The following HMCN1 variants were observed in gnomAD, a reference collection of about 807,000 sequenced individuals.
HMCN1 encodes hemicentin-1.
Under a neutral mutation model 625.9 loss-of-function variants are expected in HMCN1, and 321 were observed. That is an observed-to-expected ratio of 0.51 (90% CI 0.47 to 0.56). The LOEUF is 0.56. HMCN1 is among the 20% of genes least tolerant of loss of function. HMCN1 has a pLI of 0.00. For synonymous variants in HMCN1, 2,425 were observed against 2,417.6 expected (o/e 1.00, Z -0.09); for missense variants, 6,588 against 6,887.3 (o/e 0.96, Z 1.54).
At chr1:185,961,971 G>A (rs1650053844) in intron 11 of HMCN1, among the ~76,000 whole-genome samples, 1 of 152,148 alleles carries the variant, frequency 6.6e-6, no homozygotes, top group South Asian at 2.1e-4. Context: ...TTATATACAA[G>A]CCACTGCAAT....
intron 1 of HMCN1, among the ~76,000 whole-genome samples, chr1:185,829,788 T>G (rs1414387291): frequency 6.6e-6 from 1 of 152,222 alleles, no homozygotes; most frequent in Non-Finnish European, 1.5e-5. Context: ...GATTGCTGGG[T>G]CAAATGGTAT....
rs1661314106 is a variant in HMCN1 at position 186,119,842 on chromosome 1, C to T, written c.12054C>T (p.Phe4018=). ...AAGCAACAGGGACACCCAGTCCTTT[C>T]ATTACTTGGCAAAAAGAAGGCATCA... ...PCEATGTPSP[F]ITWQKEGINV... The change falls in exon 79 of 107, where the codon TTC becomes TTT. Residue 4018 remains phenylalanine, a synonymous_variant. Coordinates refer to ENST00000271588, the MANE Select transcript of HMCN1 (RefSeq NM_031935.3). The T allele has an allele frequency of 6.2e-7, 1 of 1,613,996 alleles. No homozygotes were observed. Among genetic ancestry groups the T allele is most frequent in the African/African-American group, 1.3e-5 (1 of 74,920 alleles).
intron 4 of HMCN1, among the ~76,000 whole-genome samples, chr1:185,887,504 G>A (rs1053530930): frequency 6.8e-6 from 1 of 146,732 alleles, no homozygotes; most frequent in Non-Finnish European, 1.5e-5. Flanking sequence ...TCCCCTTCCT[G>A]TGTCCATGTG....
At chr1:186,025,497 T>TG (rs1655004859) in intron 36 of HMCN1, among the ~76,000 whole-genome samples, 1 of 152,188 alleles carries the variant, frequency 6.6e-6, no homozygotes, top group African/African-American at 2.4e-5. Context: ...AGCCCGTGTT[T>TG]GGAAAAACAT....
At chr1:186,082,373 G>A (rs1484252982) in intron 56 of HMCN1, among the ~76,000 whole-genome samples, 1 of 152,144 alleles carries the variant, frequency 6.6e-6, no homozygotes. Context: ...GCAATAAACT[G>A]TGATGATTCC....
At chr1:186,024,301 C>A (rs1212119771) in intron 36 of HMCN1, among the ~76,000 whole-genome samples, 2 of 152,146 alleles carry the variant, frequency 1.3e-5, no homozygotes, top group Admixed American at 6.5e-5. Flanking sequence ...TGCCTCGTTC[C>A]CCATAAGGCC....
chr1:186,132,159 C>T (rs1280072223), intron 85 of HMCN1, among the ~76,000 whole-genome samples, 169 bp from the exon 86 acceptor site: 1 of 152,058 alleles, frequency 6.6e-6, no homozygotes, highest in Non-Finnish European at 1.5e-5. Flanking sequence ...CTTCCTCCTC[C>T]TCCCTCCTTT....
chr1:186,083,533 A>G (rs1169933637), intron 57 of HMCN1, among the ~76,000 whole-genome samples: 1 of 148,338 alleles, frequency 6.7e-6, no homozygotes, highest in Admixed American at 6.8e-5. Context: ...TTGAATATCT[A>G]CTGCAAAAGA....
intron 73 of HMCN1, among the ~76,000 whole-genome samples, chr1:186,114,405 A>ACG (rs1487388553): frequency 6.6e-6 from 1 of 151,886 alleles, no homozygotes; most frequent in Non-Finnish European, 1.5e-5. Flanking sequence ...TTAAAGACGC[A>ACG]CGCCAGCACG....
intron 69 of HMCN1, among the ~76,000 whole-genome samples, chr1:186,106,615 T>C (rs542972080): frequency 2.6e-5 from 4 of 152,338 alleles, no homozygotes; most frequent in African/African-American, 9.6e-5. Context: ...CTAGGTCCTA[T>C]ATATATCTGC....
chr1:186,136,708 T>C lies in HMCN1; in HGVS notation c.13353T>C (p.Ile4451=), dbSNP rs771449206. The change falls in exon 87 of 107, where the codon ATT becomes ATC. Residue 4451 remains isoleucine (I), a synonymous_variant. Coordinates refer to ENST00000271588, the MANE Select transcript of HMCN1 (RefSeq NM_031935.3). ...IITLEPVETV[I]NAGGKIILNC... ...CTCTTGAGCCAGTGGAAACTGTTAT[T>C]AATGCTGGTGGCAAAATCATATTGA... 1 of 1,613,998 alleles carries C rather than the reference T, an allele frequency of 6.2e-7. No individual in the cohort carries two copies. Among genetic ancestry groups the C allele is most frequent in the Non-Finnish European group, 8.5e-7 (1 of 1,179,898 alleles).
In HMCN1 at chr1:186,088,648, G is replaced by A; in HGVS notation, c.9620G>A (p.Ser3207Asn). The stretch of plus-strand genomic sequence containing the variant: ...GAAGTTCGTATTTTGTCTGGAGGTA[G>A]CAAACTCCAGATTGCCCGGTCTCAG... ...SLEVRILSGG[S>N]KLQIARSQHS... The change falls in exon 63 of 107, where the codon AGC becomes AAC. Residue 3207 changes from serine to asparagine, a missense_variant. This residue lies in a region of HMCN1 where 4,628 missense variants were observed against 4,853.1 expected (regional missense o/e 0.95). Transcript: ENST00000271588. 6.2e-7 allele frequency: 1 copy of A among 1,611,934 alleles called. No homozygotes were observed.
intron 11 of HMCN1, among the ~76,000 whole-genome samples, chr1:185,944,074 T>C (rs1045115953): frequency 6.6e-6 from 1 of 152,150 alleles, no homozygotes; most frequent in African/African-American, 2.4e-5. Flanking sequence ...ATATCTGAGC[T>C]AGTTATTTCC....
intron 3 of HMCN1, among the ~76,000 whole-genome samples, chr1:185,865,145 G>A (rs1413154692): frequency 1.3e-5 from 2 of 152,206 alleles, no homozygotes; most frequent in Non-Finnish European, 2.9e-5. Context: ...AAGCTTGACT[G>A]TCAGGAGACC....
chr1:186,016,137 C>T lies in HMCN1; in HGVS notation c.5089C>T (p.Leu1697Phe), dbSNP rs1164152539. Residue 1697 changes from leucine to phenylalanine, a missense_variant, in exon 32 of 107, where the codon CTC becomes TTC. Coordinates refer to ENST00000271588, the MANE Select transcript of HMCN1 (RefSeq NM_031935.3). ...NIRIEAGGKK[L>F]EIMSAQEIDR... ...CCGCATAGAAGCTGGTGGGAAGAAA[C>T]TCGAAATCATGAGTGCCCAAGAAAT... 6.2e-7 allele frequency: 1 copy of T among 1,613,420 alleles called. No homozygotes were observed. The highest frequency in any genetic ancestry group is 8.5e-7 in the Non-Finnish European group (1 of 1,179,568).
At chr1:186,034,160 A>C (rs1219739866) in intron 36 of HMCN1, among the ~76,000 whole-genome samples, 2 of 152,186 alleles carry the variant, frequency 1.3e-5, no homozygotes, top group Non-Finnish European at 2.9e-5. Flanking sequence ...AATGTTCCAC[A>C]CACTTCCTCA....
In HMCN1 at chr1:186,145,566, G is replaced by A. The variant is rs1470428949; in HGVS notation, c.14430G>A (p.Met4810Ile). Reference protein sequence around the residue: ...DSQIQRCNTDMCPVDGSWGSW... With the variant: ...DSQIQRCNTDICPVDGSWGSW... ...AGATCCAGAGGTGCAACACTGACAT[G>A]TGTCCTGGTGAGCCTCTTGATTTCT... Residue 4810 changes from methionine to isoleucine, a missense_variant, in exon 92 of 107, where the codon ATG (methionine) becomes ATA (isoleucine). This residue lies in a region of HMCN1 where 1,954 missense variants were observed against 2,013.1 expected (regional missense o/e 0.97). Transcript: ENST00000271588. The A allele has an allele frequency of 6.2e-7, 1 of 1,613,988 alleles. No homozygotes were observed. The highest frequency in any genetic ancestry group is 1.7e-5 in the Admixed American group (1 of 60,010).
At position 186,117,437 on chromosome 1, in the gene HMCN1, TTTG is replaced by T. The variant is rs755817022; in HGVS notation, c.11684-7_11684-5del. ...CTGGAAATGTGTAGTTTTTTCCCTT[TTTG>T]TTGTTGTTGTTGTTTTAGTTCCACC... is the stretch of plus-strand genomic sequence containing the variant. On this transcript the variant is annotated intron_variant, in intron 76 of 106. Transcript: ENST00000271588. 54 of 1,607,298 alleles carry T rather than the reference TTTG, an allele frequency of 3.4e-5. No homozygotes were observed. Among genetic ancestry groups the T allele is most frequent in the African/African-American group, 1.2e-4 (9 of 74,762 alleles).
chr1:186,000,555 G>GTTTA (rs1378068813), intron 26 of HMCN1, among the ~76,000 whole-genome samples: 1 of 109,296 alleles, frequency 9.1e-6, no homozygotes, highest in African/African-American at 4.2e-5. Flanking sequence ...GTGTGTGTGT[G>GTTTA]TGTATGTGTG....
Sources: gnomAD v4.1 joint callset for allele counts (sites outside exome capture counted in the v4.1 genomes callset) on GRCh38, gnomAD v4.1.1 for gene constraint, gnomAD v4.1.1 regional missense constraint, MANE v1.5 for transcripts, NCBI Gene and HGNC (gene_info 2026-07-23, HGNC 2026-07-21) for gene names.